Variants in KCNQ5 observed in about 807,000 individuals in gnomAD.
The protein encoded by KCNQ5 is potassium voltage-gated channel subfamily KQT member 5.
KCNQ5 carries 30 observed loss-of-function variants against 98.2 expected under a neutral mutation model. The observed-to-expected ratio is 0.31, with a 90% CI of 0.23 to 0.41. The LOEUF (loss-of-function observed/expected upper bound fraction) is 0.41, where lower values mean the gene tolerates loss of function less well. Ranked by LOEUF, KCNQ5 falls within the 10% of genes least tolerant of loss-of-function variation. KCNQ5 has a pLI of 1.00. For synonymous variants in KCNQ5, 458 were observed against 449.4 expected (o/e 1.02, Z -0.24); for missense variants, 835 against 1,182.5 (o/e 0.71, Z 4.31).
chr6:73,038,159 A>G (rs995549450), intron 2 of KCNQ5, among the ~76,000 whole-genome samples: 2 of 151,962 alleles, frequency 1.3e-5, no homozygotes, highest in Admixed American at 1.3e-4. Flanking sequence ...TTGTGTTTCT[A>G]ATTTTCATTT....
chr6:72,651,807 C>G (rs1049188131), intron 1 of KCNQ5, among the ~76,000 whole-genome samples: 1 of 151,886 alleles, frequency 6.6e-6, no homozygotes, highest in Non-Finnish European at 1.5e-5. Context: ...AGCAAGCAGA[C>G]AGCTGGAATT....
chr6:72,866,532 G>C (rs1304786386), intron 1 of KCNQ5, among the ~76,000 whole-genome samples: 1 of 152,104 alleles, frequency 6.6e-6, no homozygotes, highest in Non-Finnish European at 1.5e-5. Flanking sequence ...TGTGATTACA[G>C]ACATGAGCGA....
chr6:72,821,886 C>T (rs996607112), intron 1 of KCNQ5, among the ~76,000 whole-genome samples: 1 of 151,976 alleles, frequency 6.6e-6, no homozygotes, highest in South Asian at 2.1e-4. Flanking sequence ...TCTCCAGGTC[C>T]CTGGCCATGC....
chr6:72,741,568 T>C (rs143148334), intron 1 of KCNQ5, among the ~76,000 whole-genome samples: 85 of 152,238 alleles, frequency 5.6e-4, no homozygotes, highest in African/African-American at 1.9e-3. Flanking sequence ...TCAAACAAGT[T>C]TCCAAGTTAT....
intron 10 of KCNQ5, among the ~76,000 whole-genome samples, chr6:73,142,388 A>G (rs1764556808): frequency 1.3e-5 from 2 of 151,414 alleles, no homozygotes; most frequent in Admixed American, 1.3e-4. Context: ...AACCCAAACC[A>G]CCAATTCCCC....
intron 1 of KCNQ5, among the ~76,000 whole-genome samples, chr6:72,861,130 A>G (rs1777746737): frequency 6.6e-6 from 1 of 152,154 alleles, no homozygotes; most frequent in Non-Finnish European, 1.5e-5. Flanking sequence ...GCCACCAGGC[A>G]ATTTGAAACC....
At chr6:72,956,101 A>G (rs540142040) in intron 1 of KCNQ5, among the ~76,000 whole-genome samples, 4 of 152,356 alleles carry the variant, frequency 2.6e-5, no homozygotes, top group South Asian at 4.1e-4. Flanking sequence ...TTCTGAGCAC[A>G]TGCTTCGTGT....
intron 1 of KCNQ5, among the ~76,000 whole-genome samples, chr6:72,714,546 A>G (rs770340234): frequency 1.3e-5 from 2 of 152,182 alleles, no homozygotes. Context: ...GCTTAGGAAC[A>G]GTTGCTTATA....
At chr6:72,998,612 C>A (rs1401375092) in intron 1 of KCNQ5, among the ~76,000 whole-genome samples, 1 of 151,932 alleles carries the variant, frequency 6.6e-6, no homozygotes, top group Non-Finnish European at 1.5e-5. Flanking sequence ...TGGTGGGTGC[C>A]TGTAGTCCCA....
intron 11 of KCNQ5, among the ~76,000 whole-genome samples, chr6:73,173,111 A>T (rs538926841): frequency 1.3e-5 from 2 of 152,330 alleles, no homozygotes; most frequent in South Asian, 4.1e-4. Context: ...CTATTCTTAG[A>T]CTATTTCCAA....
intron 1 of KCNQ5, among the ~76,000 whole-genome samples, chr6:72,784,413 T>C (rs1246357321): frequency 7.9e-5 from 12 of 152,188 alleles, no homozygotes; most frequent in Non-Finnish European, 1.5e-4. Context: ...ATTTCTGCTG[T>C]GGAGGGGAGA....
In KCNQ5 at chr6:73,144,448, C is replaced by T. The variant is rs954623798; in HGVS notation, c.1468+10807C>T. On this transcript the variant is annotated intron_variant, in intron 10 of 13. Coordinates refer to ENST00000370398, the MANE Select transcript of KCNQ5 (RefSeq NM_019842.4). ...GCACATGAAACCCTGAGATTTGCGTCTTTCATTAATCTAATGCAGTAGCAA... is the reference window on the plus strand; with the variant it reads ...GCACATGAAACCCTGAGATTTGCGTTTTTCATTAATCTAATGCAGTAGCAA... Among the ~76,000 whole-genome samples, 6 of 152,274 alleles carry T rather than the reference C, an allele frequency of 3.9e-5. 1 individual carries two copies.
intron 1 of KCNQ5, among the ~76,000 whole-genome samples, chr6:72,708,224 C>G (rs550948262): frequency 1.3e-5 from 2 of 151,982 alleles, no homozygotes; most frequent in African/African-American, 2.4e-5. Context: ...TTAATTGCAA[C>G]AAAATGACAA....
intron 1 of KCNQ5, among the ~76,000 whole-genome samples, chr6:72,883,902 T>C (rs1221850103): frequency 2.6e-5 from 4 of 152,166 alleles, no homozygotes; most frequent in African/African-American, 9.7e-5. Context: ...CAAGTACCAT[T>C]GAATAAGTAC....
chr6:73,180,569 G>C (rs950941998), intron 11 of KCNQ5, among the ~76,000 whole-genome samples: 3 of 152,082 alleles, frequency 2.0e-5, no homozygotes, highest in Admixed American at 6.6e-5. Flanking sequence ...TGAGAGCAGG[G>C]ATTGTTCCAC....
At position 73,002,135 on chromosome 6, in the gene KCNQ5, A is replaced by C. The variant is rs143785369; in HGVS notation, c.399-1773A>C. ...ACAGAGGAAGACCCTATTTCTAAAAAAATAAAAATGAAAAATAAAAAAGCA... is the reference window on the plus strand; with the variant it reads ...ACAGAGGAAGACCCTATTTCTAAAACAATAAAAATGAAAAATAAAAAAGCA... On this transcript the variant is annotated intron_variant, in intron 1 of 13. Transcript: ENST00000370398. Among the ~76,000 whole-genome samples, 10 of 152,296 alleles carry C rather than the reference A, an allele frequency of 6.6e-5. No homozygotes were observed. The East Asian group carries it at 1.7e-3, about 26-fold the overall frequency.
At chr6:73,157,966 A>G in intron 10 of KCNQ5, 1 of 764,444 alleles carries the variant, frequency 1.3e-6, no homozygotes, top group Non-Finnish European at 2.4e-6. Flanking sequence ...TTGAGTAGGG[A>G]CTCTTCATAC....
At chr6:72,677,327 T>C (rs1406796333) in intron 1 of KCNQ5, 1 of 152,216 alleles carries the variant, frequency 6.6e-6, no homozygotes, top group Non-Finnish European at 1.5e-5. Flanking sequence ...GCAGATGGGA[T>C]AGTTTCTAGA....
At chr6:73,000,276 G>T (rs1469537370) in intron 1 of KCNQ5, among the ~76,000 whole-genome samples, 4 of 152,134 alleles carry the variant, frequency 2.6e-5, no homozygotes, top group Non-Finnish European at 5.9e-5. Flanking sequence ...GTTTTCTCCA[G>T]CCAGAAAGTC....
Sources: gnomAD v4.1 joint callset for allele counts (sites outside exome capture counted in the v4.1 genomes callset) on GRCh38, gnomAD v4.1.1 for gene constraint, MANE v1.5 for transcripts, NCBI Gene and HGNC (gene_info 2026-07-23, HGNC 2026-07-21) for gene names.